The following GET4 variants were observed in gnomAD, a reference collection of about 807,000 sequenced individuals.
GET4 encodes the protein guided entry of tail-anchored proteins factor 4, also known as Golgi to ER traffic protein 4 homolog.
A neutral mutation model predicts 40.0 loss-of-function variants in GET4; 20 were observed. The ratio of observed to expected loss-of-function variants is 0.50; its 90% CI spans 0.35 to 0.73. The LOEUF is 0.73. Among genes scored for constraint, GET4 ranks in the 30% least tolerant of loss-of-function variants. GET4 has a pLI of 0.01. For missense variants in GET4, 557 were observed against 454.0 expected, an observed-to-expected ratio of 1.23 and a Z score of -2.06; for synonymous variants, 280 against 194.6, an observed-to-expected ratio of 1.44 and a Z score of -3.65.
intron 1 of GET4, among the ~76,000 whole-genome samples, chr7:877,117 C>G (rs904528447): frequency 6.6e-6 from 1 of 151,758 alleles, no homozygotes; most frequent in Admixed American, 6.6e-5. Context: ...GCCCCTCGGC[C>G]TTCCTCTGTC....
intron 5 of GET4, among the ~76,000 whole-genome samples, chr7:891,766 G>GT (rs1416811445): frequency 6.6e-6 from 1 of 152,272 alleles, no homozygotes; most frequent in Non-Finnish European, 1.5e-5. Flanking sequence ...GCTGGCGTCC[G>GT]TGACTTAAGT....
chr7:892,696 G>A lies in GET4; in HGVS notation c.746+278G>A, dbSNP rs1012081607. 1.3e-5 allele frequency among the ~76,000 whole-genome samples: 2 copies of A among 151,610 alleles called. No individual in the cohort carries two copies. Among genetic ancestry groups the A allele is most frequent in the South Asian group, 4.2e-4 (2 of 4,790 alleles). On this transcript the variant is annotated intron_variant, in intron 6 of 8. Transcript: ENST00000265857. ...TAGGTGTTGGGCCTCTGGTAGTGTGGGTGTGTGCAGGTGTGGGGTGGTGTG... is the reference window on the plus strand; with the variant it reads ...TAGGTGTTGGGCCTCTGGTAGTGTGAGTGTGTGCAGGTGTGGGGTGGTGTG...
intron 1 of GET4, chr7:881,404 T>G (rs562625603): frequency 2.0e-5 from 3 of 148,200 alleles, no homozygotes; most frequent in African/African-American, 7.4e-5. Flanking sequence ...TGAGGTGGTG[T>G]TTCCTGGAGT....
chr7:892,513 T>G lies in GET4; in HGVS notation c.746+95T>G, dbSNP rs375186540. The G allele has an allele frequency of 7.8e-5, 107 of 1,370,342 alleles. 1 individual carries two copies. The African/African-American group carries it at 1.3e-3, about 17-fold the overall frequency. 84.9% of individuals were successfully genotyped at this position (1,370,342 alleles called of 1,614,324 possible). ...AGCTGTGTGGGTGTGTGTGCAAGTG[T>G]AGCCATGGTGTGGGTAGCCGTGTGG... On this transcript the variant is annotated intron_variant, in intron 6 of 8. Coordinates refer to ENST00000265857, the MANE Select transcript of GET4 (RefSeq NM_015949.3).
chr7:888,940 G>A (rs1315767529), intron 4 of GET4, among the ~76,000 whole-genome samples: 3 of 152,268 alleles, frequency 2.0e-5, no homozygotes, highest in Non-Finnish European at 4.4e-5. Flanking sequence ...TCAACACTGG[G>A]TGGCCGCCCT....
In GET4 at chr7:893,954, C is replaced by T. The variant is rs750569479; in HGVS notation, c.878C>T (p.Ser293Phe). Reference protein sequence around the residue: ...FFGVPPKQTSSYGGLLGNLLT... With the variant: ...FFGVPPKQTSFYGGLLGNLLT... ...GGCGTCCCGCCCAAGCAGACGTCTTCCTACGGGGGCCTGCTCGGTAAGCCG... is the reference window on the plus strand; with the variant it reads ...GGCGTCCCGCCCAAGCAGACGTCTTTCTACGGGGGCCTGCTCGGTAAGCCG... Residue 293 changes from serine to phenylalanine, a missense_variant, in exon 8 of 9, where the codon TCC becomes TTC. Transcript: ENST00000265857. 1.2e-6 allele frequency: 2 copies of T among 1,601,528 alleles called. No homozygotes were observed. The highest frequency in any genetic ancestry group is 1.7e-5 in the Admixed American group (1 of 59,382).
rs774991015 is a variant in GET4, at chr7:893,940, C to T, written c.864C>T (p.Pro288=). ...RIGQLFFGVP[P]KQTSSYGGLL... ...GACAGCTGTTCTTCGGCGTCCCGCC[C>T]AAGCAGACGTCTTCCTACGGGGGCC... is the stretch of plus-strand genomic sequence containing the variant. The change falls in exon 8 of 9, where the codon CCC becomes CCT. Residue 288 remains proline, a synonymous_variant. Coordinates refer to ENST00000265857, the MANE Select transcript of GET4 (RefSeq NM_015949.3). 21 of 1,606,964 alleles carry T rather than the reference C, an allele frequency of 1.3e-5. No homozygotes were observed. Among genetic ancestry groups the T allele is most frequent in the Middle Eastern group, 3.5e-4 (2 of 5,744 alleles).
At chr7:879,582 G>C (rs1405093930) in intron 1 of GET4, among the ~76,000 whole-genome samples, 1 of 152,168 alleles carries the variant, frequency 6.6e-6, no homozygotes, top group Non-Finnish European at 1.5e-5. Flanking sequence ...TGACCTGAAG[G>C]GCAGCCTTGT....
chr7:892,602 G>C (rs1488386374), intron 6 of GET4, 184 bp downstream of exon 6: 3 of 562,822 alleles, frequency 5.3e-6, no homozygotes, highest in Non-Finnish European at 9.4e-6. Flanking sequence ...AGGTCTGTTG[G>C]GTGTAGACAT....
rs1488854258 is a variant in GET4, at chr7:890,975, G to A, written c.514G>A (p.Gly172Arg). 5.6e-6 allele frequency: 9 copies of A among 1,609,384 alleles called. No individual in the cohort carries two copies. Among genetic ancestry groups the A allele is most frequent in the South Asian group, 1.1e-5 (1 of 90,968 alleles). The change falls in exon 5 of 9, where the codon GGG (glycine) becomes AGG (arginine). Residue 172 changes from glycine (G) to arginine (R), a missense_variant. By Grantham distance (125) the Gly-to-Arg change is moderately radical. Coordinates refer to ENST00000265857, the MANE Select transcript of GET4 (RefSeq NM_015949.3). ...GTATCATTTTCTGCACTCAGCGGAC[G>A]GGGAGGGCTGTGCCAACATGCTGGT... is the stretch of plus-strand genomic sequence containing the variant. The part of the protein sequence containing the change: ...SRYHFLHSAD[G>R]EGCANMLVEY...
At chr7:877,973 T>C in intron 1 of GET4, 1 of 105,556 alleles carries the variant, frequency 9.5e-6, no homozygotes, top group Non-Finnish European at 1.8e-5. Flanking sequence ...GCCTCCCTCC[T>C]CCTGGCCTTC....
chr7:892,224 G>C (rs555797904), intron 5 of GET4, 54 bp from the exon 6 acceptor site: 1 of 1,568,224 alleles, frequency 6.4e-7, no homozygotes, highest in Non-Finnish European at 8.7e-7. Context: ...GCGCCTGTGC[G>C]GGCAGAAGCT....
Position 886,128 on chromosome 7 carries a change from T to C in GET4, c.228T>C (p.His76=), listed in dbSNP as rs1332805226. The change falls in exon 2 of 9, where the codon CAT becomes CAC. Residue 76 remains histidine (H), a synonymous_variant. Coordinates refer to ENST00000265857, the MANE Select transcript of GET4 (RefSeq NM_015949.3). ...CGGGAGCCCTGCTCTTCTTCAGCCATGGCCAGGTAAGCCGTCTTGCTTCCT... is the reference window on the plus strand; with the variant it reads ...CGGGAGCCCTGCTCTTCTTCAGCCACGGCCAGGTAAGCCGTCTTGCTTCCT... ...MYSGALLFFS[H]GQQNSAADLS... is the part of the protein sequence containing the mutation. 1.2e-6 allele frequency: 2 copies of C among 1,602,986 alleles called. No homozygotes were observed. The highest frequency in any genetic ancestry group is 1.7e-6 in the Non-Finnish European group (2 of 1,170,718).
At position 893,742 on chromosome 7, in the gene GET4, G is replaced by C. The variant is rs540985599; in HGVS notation, c.749G>C (p.Gly250Ala). 6.2e-7 allele frequency: 1 copy of C among 1,601,748 alleles called. No homozygotes were observed. Among genetic ancestry groups the C allele is most frequent in the South Asian group, 1.1e-5 (1 of 90,066 alleles). ...IWFLLLAVDG[G>A]KLTVFTVLCE... The stretch of plus-strand genomic sequence containing the variant: ...ATCCCTGTGTGTCTCTGTCCCAGTG[G>C]GAAGCTGACGGTGTTCACTGTGCTG... The change falls in exon 7 of 9, where the codon GGG (glycine) becomes GCG (alanine). Residue 250 changes from glycine (G) to alanine (A), a missense_variant and splice_region_variant. Gly to Ala is a moderately conservative substitution (Grantham distance 60). Coordinates refer to ENST00000265857, the MANE Select transcript of GET4 (RefSeq NM_015949.3).
intron 2 of GET4, 192 bp downstream of exon 2, chr7:886,326 C>A: frequency 4.9e-6 from 3 of 608,738 alleles, no homozygotes; most frequent in Non-Finnish European, 5.9e-6. Context: ...GGGCTCTGCG[C>A]TGCGTTTGTG....
At chr7:883,958 G>C in intron 1 of GET4, 1 of 1,057,070 alleles carries the variant, frequency 9.5e-7, no homozygotes, top group Non-Finnish European at 1.1e-6. Context: ...CCGGCTCCCA[G>C]CTGCCCAGGG....
chr7:892,630 TGTGGGTGTATGTGCAAGTGTAGAC>T (rs1354046222), intron 6 of GET4, among the ~76,000 whole-genome samples: 2 of 120,460 alleles, frequency 1.7e-5, no homozygotes, highest in Non-Finnish European at 3.8e-5. Flanking sequence ...CGGGTAGCTG[TGTGGGTGTATGTGCAAGTGTAGAC>T]ATGGCGTGGG....
At chr7:894,376 C>A (rs962387941) in intron 8 of GET4, among the ~76,000 whole-genome samples, 6 of 152,182 alleles carry the variant, frequency 3.9e-5, no homozygotes, top group African/African-American at 1.2e-4. Flanking sequence ...GCGGGTGTCT[C>A]ACTGTGGGTG....
chr7:877,619 C>G (rs1280833937), intron 1 of GET4, among the ~76,000 whole-genome samples: 1 of 136,088 alleles, frequency 7.3e-6, no homozygotes, highest in Non-Finnish European at 1.6e-5. Flanking sequence ...TCCCCCACCT[C>G]TCCCGTAGTC....
Sources: allele counts gnomAD v4.1 joint callset (sites outside exome capture counted in the v4.1 genomes callset), GRCh38; gene constraint gnomAD v4.1.1; transcripts MANE v1.5; gene names NCBI Gene and HGNC (gene_info 2026-07-23, HGNC 2026-07-21).